LRRIQ1: variants seen among roughly 807,000 people sequenced by gnomAD.
LRRIQ1 encodes the protein leucine rich repeats and IQ motif containing 1.
In LRRIQ1, 210 loss-of-function variants were observed where a neutral mutation model predicts 211.9. That is an observed-to-expected ratio of 0.99 (90% CI 0.89 to 1.11). LRRIQ1 has a LOEUF of 1.11. LRRIQ1 is among the 50% of genes most tolerant of loss of function. LRRIQ1 has a pLI of 0.00. For missense variants in LRRIQ1, 2,136 were observed against 1,939.5 expected (o/e 1.10, Z -1.90); for synonymous variants, 699 against 650.1 (o/e 1.08, Z -1.14).
intron 19 of LRRIQ1, among the ~76,000 whole-genome samples, chr12:85,141,676 A>G (rs1257777176): frequency 6.7e-6 from 1 of 149,070 alleles, no homozygotes; most frequent in Middle Eastern, 3.5e-3. Context: ...TGTATCTTAT[A>G]ACTGCATATA....
At chr12:85,248,517 C>G (rs1170036756), downstream of LRRIQ1, among the ~76,000 whole-genome samples, 1 of 151,688 alleles carries the variant, frequency 6.6e-6, no homozygotes, top group Non-Finnish European at 1.5e-5. Flanking sequence ...TATCTCTGTA[C>G]TTTCCAGGAT....
At chr12:85,117,122 A>C (rs368879744) in intron 15 of LRRIQ1, among the ~76,000 whole-genome samples, 1 of 152,226 alleles carries the variant, frequency 6.6e-6, no homozygotes, top group African/African-American at 2.4e-5. Flanking sequence ...TGTTGGAGGC[A>C]CACTATAAGG....
At chr12:85,067,061 A>G (rs1025907612) in intron 10 of LRRIQ1, among the ~76,000 whole-genome samples, 163 bp downstream of exon 10, 2 of 151,914 alleles carry the variant, frequency 1.3e-5, no homozygotes, top group Admixed American at 1.3e-4. Flanking sequence ...TTTAATGTCT[A>G]TAAAAGGAAT....
intron 24 of LRRIQ1, among the ~76,000 whole-genome samples, chr12:85,172,823 T>C (rs567051713): frequency 3.9e-5 from 6 of 152,042 alleles, no homozygotes; most frequent in Admixed American, 3.9e-4. Flanking sequence ...AAAATAAATA[T>C]ATTGGCCGGG....
chr12:85,181,464 G>T (rs1263937940), intron 24 of LRRIQ1, among the ~76,000 whole-genome samples: 1 of 151,432 alleles, frequency 6.6e-6, no homozygotes, highest in Admixed American at 6.6e-5. Flanking sequence ...CATAACCTAT[G>T]GTTCTTTGTA....
At chr12:85,163,340 A>C in intron 24 of LRRIQ1, among the ~76,000 whole-genome samples, 1 of 141,404 alleles carries the variant, frequency 7.1e-6, no homozygotes, top group East Asian at 1.9e-4. Context: ...GTGGTTGGGC[A>C]TCTGATGCCC....
chr12:85,089,778 T>C (rs940609947), intron 11 of LRRIQ1, among the ~76,000 whole-genome samples: 5 of 152,142 alleles, frequency 3.3e-5, no homozygotes, highest in African/African-American at 1.2e-4. Context: ...GCATAAACGT[T>C]TGGAGAATTT....
chr12:85,142,071 C>T (rs1889583139), intron 19 of LRRIQ1, among the ~76,000 whole-genome samples: 1 of 151,320 alleles, frequency 6.6e-6, no homozygotes, highest in African/African-American at 2.4e-5. Flanking sequence ...TATTTATCTT[C>T]TCTAAGAATA....
chr12:85,239,172 G>A (rs1895342490), intron 26 of LRRIQ1, among the ~76,000 whole-genome samples: 1 of 151,920 alleles, frequency 6.6e-6, no homozygotes, highest in Admixed American at 6.6e-5. Flanking sequence ...CTCCCCAAAT[G>A]TTCTGTAGAT....
intron 11 of LRRIQ1, among the ~76,000 whole-genome samples, chr12:85,076,148 A>G (rs1266260016): frequency 3.3e-5 from 5 of 151,970 alleles, no homozygotes; most frequent in East Asian, 1.9e-4. Context: ...TTGAGTACCT[A>G]TATGTATAAG....
rs757624803 is a variant in LRRIQ1, at chr12:85,052,265, G to C, written c.753+14G>C. On this transcript the variant is annotated intron_variant, in intron 7 of 26. Transcript: ENST00000393217. ...AAACAGCATGAGGTATCTATTTGTT[G>C]TTTTTATTTAGCACATTAAGCTTTC... 1 of 1,347,994 alleles carries C rather than the reference G, an allele frequency of 7.4e-7. No homozygotes were observed. 83.5% of individuals were successfully genotyped at this position (1,347,994 alleles called of 1,614,324 possible). A position where few individuals can be genotyped will look rare whatever the true frequency, so the allele number is the denominator to read the frequency against.
chr12:85,110,003 A>T (rs1887059352), intron 15 of LRRIQ1, among the ~76,000 whole-genome samples: 1 of 152,076 alleles, frequency 6.6e-6, no homozygotes, highest in African/African-American at 2.4e-5. Context: ...CAGTAGTAAA[A>T]TGAGGATGAT....
intron 24 of LRRIQ1, among the ~76,000 whole-genome samples, chr12:85,206,813 G>A (rs1893573774): frequency 6.6e-6 from 1 of 152,060 alleles, no homozygotes. Flanking sequence ...CCCAGGGGAG[G>A]CCGGCAGACA....
chr12:85,166,579 G>A (rs1357728953), intron 24 of LRRIQ1, among the ~76,000 whole-genome samples: 1 of 152,050 alleles, frequency 6.6e-6, no homozygotes, highest in Non-Finnish European at 1.5e-5. Context: ...CCTTTTTAAT[G>A]CCAGCTTAGA....
At chr12:85,155,670 A>G (rs1890503337) in intron 23 of LRRIQ1, among the ~76,000 whole-genome samples, 1 of 151,652 alleles carries the variant, frequency 6.6e-6, no homozygotes, top group African/African-American at 2.4e-5. Flanking sequence ...TATTCAAGGA[A>G]TTTTGCTAGG....
intron 15 of LRRIQ1, among the ~76,000 whole-genome samples, chr12:85,117,475 A>G (rs1218304844): frequency 6.6e-6 from 1 of 152,248 alleles, no homozygotes; most frequent in African/African-American, 2.4e-5. Context: ...AATCTGCTTT[A>G]TTAATTTTTC....
chr12:85,080,100 CGT>C (rs1224776217), intron 11 of LRRIQ1, among the ~76,000 whole-genome samples: 1 of 151,910 alleles, frequency 6.6e-6, no homozygotes, highest in Non-Finnish European at 1.5e-5. Context: ...CATATACGTA[CGT>C]GTGTGTGTCT....
intron 15 of LRRIQ1, among the ~76,000 whole-genome samples, chr12:85,111,112 A>T (rs1887141738): frequency 6.6e-6 from 1 of 152,072 alleles, no homozygotes; most frequent in African/African-American, 2.4e-5. Context: ...ATTACATTTG[A>T]TGTGGGTTCA....
chr12:85,129,997 A>G (rs1157218964), intron 18 of LRRIQ1, among the ~76,000 whole-genome samples: 2 of 152,196 alleles, frequency 1.3e-5, no homozygotes, highest in East Asian at 3.9e-4. Flanking sequence ...GAGTAAATAC[A>G]TGAGAGATAG....
Sources: allele counts gnomAD v4.1 joint callset (sites outside exome capture counted in the v4.1 genomes callset), GRCh38; gene constraint gnomAD v4.1.1; transcripts MANE v1.5; gene names NCBI Gene and HGNC (gene_info 2026-07-23, HGNC 2026-07-21).